Variants in CNTNAP2 observed in about 807,000 individuals in gnomAD.
The protein encoded by CNTNAP2 is contactin-associated protein-like 2.
CNTNAP2 carries 98 observed loss-of-function variants against 155.2 expected under a neutral mutation model. That is an observed-to-expected ratio of 0.63 (90% CI 0.54 to 0.75). The LOEUF (loss-of-function observed/expected upper bound fraction) is 0.75, where lower values mean the gene tolerates loss of function less well. Ranked by LOEUF, CNTNAP2 falls within the 30% of genes least tolerant of loss-of-function variation. The probability of loss-of-function intolerance (pLI) is 0.00; values close to 1 mark genes in which losing one functional copy is unlikely to be tolerated. For synonymous variants in CNTNAP2, 651 were observed against 631.2 expected (o/e 1.03, Z -0.47); for missense variants, 1,727 against 1,688.1 (o/e 1.02, Z -0.40).
chr7:146,310,048 CTT>C (rs984787275), intron 1 of CNTNAP2, among the ~76,000 whole-genome samples: 1 of 151,980 alleles, frequency 6.6e-6, no homozygotes, highest in African/African-American at 2.4e-5. Flanking sequence ...GTATGTTTGT[CTT>C]ATATAATATT....
chr7:147,117,292 G>A (rs1801010750), intron 5 of CNTNAP2, among the ~76,000 whole-genome samples: 1 of 152,108 alleles, frequency 6.6e-6, no homozygotes, highest in Non-Finnish European at 1.5e-5. Context: ...TGGTGTCATG[G>A]GCTCACAAGA....
rs537263640 is a variant in CNTNAP2, at chr7:146,228,153, T to C, written c.97+111180T>C. ...GAGAGAATTCAAAGCACTATAGCGTTATAGCTGCAAATATCCAAGCGATAT... is the reference window on the plus strand; with the variant it reads ...GAGAGAATTCAAAGCACTATAGCGTCATAGCTGCAAATATCCAAGCGATAT... On this transcript the variant is annotated intron_variant, in intron 1 of 23. Coordinates refer to ENST00000361727, the MANE Select transcript of CNTNAP2 (RefSeq NM_014141.6). 2.0e-4 allele frequency among the ~76,000 whole-genome samples: 30 copies of C among 152,282 alleles called. 1 individual carries two copies. The highest frequency in any genetic ancestry group is 6.5e-4 in the African/African-American group (27 of 41,556).
intron 1 of CNTNAP2, among the ~76,000 whole-genome samples, chr7:146,311,568 T>G (rs1800820741): frequency 8.0e-6 from 1 of 125,324 alleles, no homozygotes; most frequent in Admixed American, 1.0e-4. Context: ...GCCTGGAGTT[T>G]GAGACCAGCC....
chr7:147,066,038 CA>C (rs1799773145), intron 4 of CNTNAP2, among the ~76,000 whole-genome samples: 1 of 151,942 alleles, frequency 6.6e-6, no homozygotes, highest in African/African-American at 2.4e-5. Flanking sequence ...AAACAAAAAA[CA>C]AAGAAACAAA....
intron 3 of CNTNAP2, among the ~76,000 whole-genome samples, chr7:147,028,251 C>T (rs1265637645): frequency 6.6e-6 from 1 of 152,114 alleles, no homozygotes; most frequent in Non-Finnish European, 1.5e-5. Flanking sequence ...CTAATTGTAG[C>T]ACAGTAGAAG....
intron 1 of CNTNAP2, among the ~76,000 whole-genome samples, chr7:146,188,691 G>A (rs1305090325): frequency 1.3e-5 from 2 of 152,102 alleles, no homozygotes; most frequent in Non-Finnish European, 2.9e-5. Flanking sequence ...ATTTGAAATG[G>A]TTTAAAAATT....
At chr7:146,845,462 A>G (rs143306972) in intron 3 of CNTNAP2, among the ~76,000 whole-genome samples, 247 of 152,314 alleles carry the variant, frequency 1.6e-3, no homozygotes, top group African/African-American at 5.4e-3. Flanking sequence ...TTTAAGTGAG[A>G]TTATGTAAGT....
chr7:147,309,302 A>G (rs1795082841), intron 9 of CNTNAP2, among the ~76,000 whole-genome samples: 1 of 152,192 alleles, frequency 6.6e-6, no homozygotes, highest in Non-Finnish European at 1.5e-5. Context: ...ATTAAAAGCA[A>G]AAGCCAACTT....
chr7:147,342,916 A>G lies in CNTNAP2; in HGVS notation c.1498+42626A>G, dbSNP rs567850248. Among the ~76,000 whole-genome samples the G allele has an allele frequency of 2.6e-5, 4 of 152,306 alleles. No homozygotes were observed. In the South Asian group the frequency reaches 8.3e-4, roughly 32 times the overall value. On this transcript the variant is annotated intron_variant, in intron 9 of 23. Coordinates refer to ENST00000361727, the MANE Select transcript of CNTNAP2 (RefSeq NM_014141.6). The stretch of plus-strand genomic sequence containing the variant: ...CCACTGTATTCCTTCCTTTATATAT[A>G]TAATACATATATGTAAAAGTGATGT...
At chr7:146,331,092 C>A (rs1466477226) in intron 1 of CNTNAP2, among the ~76,000 whole-genome samples, 1 of 151,988 alleles carries the variant, frequency 6.6e-6, no homozygotes, top group Non-Finnish European at 1.5e-5. Flanking sequence ...ATCACGAGGT[C>A]AGGAGATCGA....
At chr7:146,315,173 G>A (rs1235671247) in intron 1 of CNTNAP2, among the ~76,000 whole-genome samples, 3 of 152,278 alleles carry the variant, frequency 2.0e-5, no homozygotes, top group Non-Finnish European at 4.4e-5. Context: ...CCTCTCCAGG[G>A]GAAGGGTGGA....
chr7:146,414,889 C>G (rs1795915272), intron 1 of CNTNAP2, among the ~76,000 whole-genome samples: 1 of 151,986 alleles, frequency 6.6e-6, no homozygotes, highest in Non-Finnish European at 1.5e-5. Context: ...CTGCTAAATA[C>G]TATTTGAAAG....
At chr7:146,461,961 G>A (rs746917446) in intron 1 of CNTNAP2, among the ~76,000 whole-genome samples, 4 of 152,108 alleles carry the variant, frequency 2.6e-5, no homozygotes, top group Non-Finnish European at 5.9e-5. Flanking sequence ...CTTCTCTCAT[G>A]CTCCATGGTT....
At chr7:146,310,386 CT>C (rs1407628805) in intron 1 of CNTNAP2, among the ~76,000 whole-genome samples, 1 of 152,138 alleles carries the variant, frequency 6.6e-6, no homozygotes, top group Non-Finnish European at 1.5e-5. Flanking sequence ...TGAATTATTT[CT>C]GATTCCTCAG....
intron 1 of CNTNAP2, among the ~76,000 whole-genome samples, chr7:146,211,800 G>A (rs941820317): frequency 2.0e-5 from 3 of 152,052 alleles, no homozygotes; most frequent in South Asian, 4.2e-4. Context: ...AGTATTATCA[G>A]TAAATATTCT....
At chr7:147,976,617 C>T (rs1439178749) in intron 14 of CNTNAP2, among the ~76,000 whole-genome samples, 2 of 152,186 alleles carry the variant, frequency 1.3e-5, no homozygotes, top group Non-Finnish European at 2.9e-5. Flanking sequence ...TGGCCAAGTT[C>T]TGTGACTCCT....
chr7:147,914,109 A>T (rs899610248), intron 14 of CNTNAP2, among the ~76,000 whole-genome samples: 1 of 152,198 alleles, frequency 6.6e-6, no homozygotes, highest in South Asian at 2.1e-4. Flanking sequence ...AGAGTTTCAG[A>T]AAATGATGTT....
In CNTNAP2 at chr7:147,401,672, A is replaced by T. The variant is rs141226981; in HGVS notation, c.1670+5892A>T. ...AAGGGGACTGGTGGGAGGTGATTGG[A>T]TCATGGGGGTGGATTTCCCCCTTAC... On this transcript the variant is annotated intron_variant, in intron 10 of 23. Coordinates refer to ENST00000361727, the MANE Select transcript of CNTNAP2 (RefSeq NM_014141.6). 2.2e-4 allele frequency among the ~76,000 whole-genome samples: 34 copies of T among 152,214 alleles called. 1 individual carries two copies. Among genetic ancestry groups the T allele is most frequent in the African/African-American group, 7.9e-4 (33 of 41,534 alleles).
chr7:146,217,054 A>G (rs802539), intron 1 of CNTNAP2, among the ~76,000 whole-genome samples: 103,699 of 152,086 alleles, frequency 0.68, 36,712 homozygotes, highest in East Asian at 0.94. Flanking sequence ...ATTTTTAGGA[A>G]CTTTCATTTT....
Sources: gnomAD v4.1 joint callset for allele counts (sites outside exome capture counted in the v4.1 genomes callset) on GRCh38, gnomAD v4.1.1 for gene constraint, MANE v1.5 for transcripts, NCBI Gene and HGNC (gene_info 2026-07-23, HGNC 2026-07-21) for gene names.